Variants in CMSS1 observed in about 807,000 individuals in gnomAD.
The protein encoded by CMSS1 is cms1 ribosomal small subunit homolog.
In CMSS1, 33 loss-of-function variants were observed where a neutral mutation model predicts 43.5. The observed-to-expected ratio is 0.76, with a 90% CI of 0.57 to 1.01. CMSS1 has a LOEUF of 1.01. Among genes scored for constraint, CMSS1 ranks in the 50% least tolerant of loss-of-function variants. The pLI is 0.00. For synonymous variants in CMSS1, 115 were observed against 117.2 expected (o/e 0.98, Z 0.12); for missense variants, 313 against 326.4 (o/e 0.96, Z 0.32).
At chr3:100,080,612 T>A (rs2107402645) in intron 1 of CMSS1, among the ~76,000 whole-genome samples, 1 of 152,330 alleles carries the variant, frequency 6.6e-6, no homozygotes, top group East Asian at 1.9e-4. Context: ...TGGTTAGGTA[T>A]GAAGGAGTGA....
At chr3:99,890,768 G>C (rs1359540613) in intron 1 of CMSS1, among the ~76,000 whole-genome samples, 4 of 150,964 alleles carry the variant, frequency 2.6e-5, no homozygotes, top group Non-Finnish European at 5.9e-5. Context: ...CTTACATGCT[G>C]TCTGATTATT....
At chr3:99,991,743 C>T (rs1001264019) in intron 1 of CMSS1, among the ~76,000 whole-genome samples, 26 of 151,842 alleles carry the variant, frequency 1.7e-4, no homozygotes, top group African/African-American at 6.0e-4. Context: ...GGATAATGGC[C>T]TCCAGTTCCA....
intron 1 of CMSS1, among the ~76,000 whole-genome samples, chr3:99,883,761 A>G (rs1705806357): frequency 6.6e-6 from 1 of 152,198 alleles, no homozygotes; most frequent in Admixed American, 6.5e-5. Flanking sequence ...TTAATGTTTA[A>G]TTGATGTCAG....
chr3:100,084,810 G>T (rs2065982720), intron 1 of CMSS1, among the ~76,000 whole-genome samples: 1 of 152,164 alleles, frequency 6.6e-6, no homozygotes, highest in Non-Finnish European at 1.5e-5. Flanking sequence ...CAGAGCTGTA[G>T]CTTCTTTTTC....
chr3:99,905,354 G>A (rs1277222924), intron 1 of CMSS1, among the ~76,000 whole-genome samples: 1 of 152,028 alleles, frequency 6.6e-6, no homozygotes, highest in East Asian at 1.9e-4. Flanking sequence ...CTCAACCACA[G>A]GATTCCAAAG....
chr3:100,168,181 T>C (rs2067080344), intron 6 of CMSS1, among the ~76,000 whole-genome samples: 1 of 152,168 alleles, frequency 6.6e-6, no homozygotes, highest in South Asian at 2.1e-4. Context: ...AGCAGCTATC[T>C]GGAAGAAAAG....
At chr3:100,092,453 G>C (rs1411406912) in intron 1 of CMSS1, among the ~76,000 whole-genome samples, 3 of 151,852 alleles carry the variant, frequency 2.0e-5, no homozygotes, top group Non-Finnish European at 4.4e-5. Flanking sequence ...AAGCCAATAT[G>C]AATGTAGTTG....
chr3:100,054,457 T>C (rs1309432059), intron 1 of CMSS1, among the ~76,000 whole-genome samples: 1 of 151,796 alleles, frequency 6.6e-6, no homozygotes, highest in African/African-American at 2.4e-5. Flanking sequence ...TGAGCCAGTC[T>C]GACCTGCTTC....
chr3:100,043,212 C>T (rs575945093), intron 1 of CMSS1, among the ~76,000 whole-genome samples: 17 of 152,310 alleles, frequency 1.1e-4, no homozygotes, highest in African/African-American at 4.1e-4. Context: ...TCATTCTTTA[C>T]TGTGTTGTGC....
At chr3:100,069,262 G>A (rs2065720935) in intron 1 of CMSS1, among the ~76,000 whole-genome samples, 1 of 151,986 alleles carries the variant, frequency 6.6e-6, no homozygotes, top group Non-Finnish European at 1.5e-5. Context: ...TCTATCATTT[G>A]TAGGGAAAGC....
rs141338498 is a variant in CMSS1, at chr3:100,029,925, G to A, written c.65-117048G>A. Reference sequence around the variant, plus strand: ...GATAAAGACCAAGAGATCTTGGAACGTTTAGAAGCAGCCCAGGTGTGACAT... The same window carrying A: ...GATAAAGACCAAGAGATCTTGGAACATTTAGAAGCAGCCCAGGTGTGACAT... On this transcript the variant is annotated intron_variant, in intron 1 of 9. Coordinates refer to ENST00000421999, the MANE Select transcript of CMSS1 (RefSeq NM_032359.4). Among the ~76,000 whole-genome samples the A allele has an allele frequency of 3.0e-3, 453 of 152,262 alleles. 2 individuals carry two copies. The highest frequency in any genetic ancestry group is 0.01 in the African/African-American group (416 of 41,560).
intron 1 of CMSS1, among the ~76,000 whole-genome samples, chr3:100,008,188 G>A (rs1417316924): frequency 1.3e-5 from 2 of 152,142 alleles, no homozygotes; most frequent in Non-Finnish European, 2.9e-5. Context: ...TAAGCAGTGG[G>A]AAGGAAGGAG....
At chr3:99,991,137 A>C (rs934795824) in intron 1 of CMSS1, among the ~76,000 whole-genome samples, 1 of 152,188 alleles carries the variant, frequency 6.6e-6, no homozygotes, top group Non-Finnish European at 1.5e-5. Flanking sequence ...GGAATATAAC[A>C]GGAAATATGC....
intron 1 of CMSS1, among the ~76,000 whole-genome samples, chr3:99,860,075 C>T (rs1467109907): frequency 6.6e-6 from 1 of 152,148 alleles, no homozygotes; most frequent in East Asian, 1.9e-4. Context: ...TCTATGTCTG[C>T]TTTATGTCCT....
intron 1 of CMSS1, among the ~76,000 whole-genome samples, chr3:99,873,051 A>C (rs1432695527): frequency 6.6e-6 from 1 of 152,178 alleles, no homozygotes; most frequent in Non-Finnish European, 1.5e-5. Context: ...GAAAATGACC[A>C]GCCATAGGAG....
At position 100,166,317 on chromosome 3, in the gene CMSS1, T is replaced by C; in HGVS notation, c.356-18T>C. ...TGTTTACAAAATTATCTACAAAGCA[T>C]GTTTATTATATTTCTAGACTCCTGT... On this transcript the variant is annotated intron_variant, in intron 4 of 9. Transcript: ENST00000421999. The C allele has an allele frequency of 6.5e-7, 1 of 1,535,062 alleles. No individual in the cohort carries two copies. The highest frequency in any genetic ancestry group is 1.7e-5 in the Admixed American group (1 of 59,822).
chr3:99,929,995 T>G, intron 1 of CMSS1: 1 of 1,613,824 alleles, frequency 6.2e-7, no homozygotes. Flanking sequence ...GTCCATTTTT[T>G]CAGCCTTTAA....
At chr3:100,055,789 C>G (rs2065454002) in intron 1 of CMSS1, among the ~76,000 whole-genome samples, 1 of 152,134 alleles carries the variant, frequency 6.6e-6, no homozygotes, top group Admixed American at 6.5e-5. Context: ...CCTTAAATTT[C>G]AGAAATTTTT....
intron 1 of CMSS1, among the ~76,000 whole-genome samples, chr3:99,827,690 C>G (rs1247454309): frequency 3.9e-5 from 6 of 152,064 alleles, no homozygotes. Context: ...CTGCAACCTC[C>G]GCCTCCCAGG....
Sources: gnomAD v4.1 joint callset for allele counts (sites outside exome capture counted in the v4.1 genomes callset) on GRCh38, gnomAD v4.1.1 for gene constraint, MANE v1.5 for transcripts, NCBI Gene and HGNC (gene_info 2026-07-23, HGNC 2026-07-21) for gene names.